The following IFT88 variants were observed in gnomAD, a reference collection of about 807,000 sequenced individuals.
The protein encoded by IFT88 is intraflagellar transport protein 88 homolog.
In IFT88, 74 loss-of-function variants were observed where a neutral mutation model predicts 119.5. The ratio of observed to expected loss-of-function variants is 0.62; its 90% CI spans 0.51 to 0.75. The LOEUF (loss-of-function observed/expected upper bound fraction) is 0.75. Ranked by LOEUF, IFT88 falls within the 30% of genes least tolerant of loss-of-function variation. IFT88 has a pLI of 0.00. For missense variants in IFT88, 961 were observed against 977.7 expected (o/e 0.98, Z 0.23); for synonymous variants, 279 against 316.7 (o/e 0.88, Z 1.26).
intron 2 of IFT88, among the ~76,000 whole-genome samples, chr13:20,578,284 T>C (rs9579897): frequency 0.079 from 11,904 of 150,634 alleles, 569 homozygotes; most frequent in African/African-American, 0.1. Flanking sequence ...CCTGACCTCA[T>C]GATCAGCCCG....
intron 2 of IFT88, among the ~76,000 whole-genome samples, chr13:20,575,484 T>C (rs768472390): frequency 3.3e-5 from 5 of 152,174 alleles, no homozygotes; most frequent in Non-Finnish European, 7.3e-5. Flanking sequence ...ACATCTCATG[T>C]TGAATTGTAA....
chr13:20,604,949 G>C, intron 12 of IFT88, 86 bp from the exon 13 acceptor site: 2 of 665,766 alleles, frequency 3.0e-6, no homozygotes, highest in Non-Finnish European at 5.3e-6. Context: ...GAGTGAGGCT[G>C]TATCTCAAAA....
At chr13:20,578,626 T>C (rs935293546) in intron 2 of IFT88, among the ~76,000 whole-genome samples, 1 of 152,036 alleles carries the variant, frequency 6.6e-6, no homozygotes, top group African/African-American at 2.4e-5. Context: ...CTCAGCTCAC[T>C]GCAACCTCTG....
At chr13:20,630,208 G>A (rs1594407741) in intron 15 of IFT88, among the ~76,000 whole-genome samples, 1 of 152,080 alleles carries the variant, frequency 6.6e-6, no homozygotes. Flanking sequence ...GCTCCCGTAA[G>A]TCTCTTGTGT....
chr13:20,597,516 G>C (rs574740447), intron 9 of IFT88, among the ~76,000 whole-genome samples: 4 of 151,864 alleles, frequency 2.6e-5, no homozygotes, highest in Non-Finnish European at 5.9e-5. Flanking sequence ...AGGCCGAGGC[G>C]GGCAGATCAC....
chr13:20,618,814 A>G (rs2046044523), intron 14 of IFT88, among the ~76,000 whole-genome samples: 1 of 151,230 alleles, frequency 6.6e-6, no homozygotes, highest in Non-Finnish European at 1.5e-5. Context: ...CATTCTTACT[A>G]TATTTCTGTT....
At chr13:20,664,855 A>G (rs35530462) in intron 23 of IFT88, among the ~76,000 whole-genome samples, 1,833 of 152,248 alleles carry the variant, frequency 0.012, 13 homozygotes, top group South Asian at 0.04. Context: ...CAAGGTGGGC[A>G]GATCACGAGG....
At chr13:20,593,438 AG>A (rs2041066406) in intron 7 of IFT88, among the ~76,000 whole-genome samples, 15 of 151,910 alleles carry the variant, frequency 9.9e-5, no homozygotes, top group Admixed American at 9.8e-4. Flanking sequence ...TTCTAGTTCC[AG>A]AGCTTGGGCT....
At chr13:20,630,257 T>C (rs2047997363) in intron 15 of IFT88, among the ~76,000 whole-genome samples, 1 of 152,220 alleles carries the variant, frequency 6.6e-6, no homozygotes, top group Admixed American at 6.5e-5. Flanking sequence ...TATTTTGCCA[T>C]GTTTCATTTA....
Position 20,574,452 on chromosome 13 carries a change from T to C in IFT88, c.67T>C (p.Tyr23His), listed in dbSNP as rs2036983089. ...TGATCTTTATTCCGGCTATAATGAC[T>C]ACAATCCAATCTATGATATCGAGGT... is the stretch of plus-strand genomic sequence containing the variant. ...EDDLYSGYND[Y>H]NPIYDIEELE... is the part of the protein sequence containing the mutation. Residue 23 changes from tyrosine to histidine, a missense_variant, in exon 2 of 26, where the codon TAC (tyrosine) becomes CAC (histidine). By Grantham distance (83) the Tyr-to-His change is moderately conservative. Coordinates refer to ENST00000351808, the MANE Select transcript of IFT88 (RefSeq NM_006531.5). The C allele has an allele frequency of 6.2e-7, 1 of 1,604,406 alleles. No individual in the cohort carries two copies. Among genetic ancestry groups the C allele is most frequent in the African/African-American group, 1.3e-5 (1 of 74,852 alleles).
chr13:20,592,938 G>C (rs2040959989), intron 7 of IFT88, among the ~76,000 whole-genome samples: 1 of 150,878 alleles, frequency 6.6e-6, no homozygotes, highest in African/African-American at 2.5e-5. Flanking sequence ...TATGTATTCT[G>C]TGCAATTTTA....
intron 22 of IFT88, among the ~76,000 whole-genome samples, chr13:20,659,632 T>C (rs2053457914): frequency 7.3e-6 from 1 of 136,362 alleles, no homozygotes; most frequent in African/African-American, 2.8e-5. Flanking sequence ...TATTAACTTT[T>C]ACAATACTTT....
At chr13:20,670,133 ATTATGT>A (rs2055543017) in intron 23 of IFT88, among the ~76,000 whole-genome samples, 1 of 152,214 alleles carries the variant, frequency 6.6e-6, no homozygotes, top group Admixed American at 6.5e-5. Flanking sequence ...TAAATATGAA[ATTATGT>A]TTATGTCTTA....
At chr13:20,614,670 T>C (rs1484934937) in intron 13 of IFT88, among the ~76,000 whole-genome samples, 9 of 152,300 alleles carry the variant, frequency 5.9e-5, no homozygotes, top group Middle Eastern at 3.4e-3. Context: ...ACTTGAAAGA[T>C]GTTACTGTTG....
intron 24 of IFT88, among the ~76,000 whole-genome samples, chr13:20,674,959 C>T (rs1248461576): frequency 2.6e-5 from 4 of 151,636 alleles, no homozygotes; most frequent in Non-Finnish European, 5.9e-5. Context: ...GTGATCCACC[C>T]GCCTCAGCCT....
intron 24 of IFT88, among the ~76,000 whole-genome samples, chr13:20,682,847 C>T (rs566656499): frequency 5.4e-4 from 82 of 152,314 alleles, no homozygotes; most frequent in African/African-American, 1.9e-3. Flanking sequence ...CCAGTGAAAA[C>T]GCTTAGCAGG....
chr13:20,656,282 G>C, intron 21 of IFT88, 83 bp from the exon 22 acceptor site: 1 of 514,998 alleles, frequency 1.9e-6, no homozygotes, highest in Non-Finnish European at 3.4e-6. Context: ...TAAATAGCCA[G>C]TATATCAGTT....
chr13:20,659,399 T>C (rs9509322), intron 22 of IFT88, among the ~76,000 whole-genome samples: 113,795 of 151,690 alleles, frequency 0.75, 43,288 homozygotes, highest in East Asian at 1. Flanking sequence ...GAGGCTGAGA[T>C]GGAAGGATCG....
intron 2 of IFT88, among the ~76,000 whole-genome samples, chr13:20,577,791 T>C (rs1335246231): frequency 2.6e-5 from 4 of 152,202 alleles, no homozygotes; most frequent in African/African-American, 9.6e-5. Flanking sequence ...TCAATGTTCA[T>C]CAGGGATGTT....
Sources: allele counts gnomAD v4.1 joint callset (sites outside exome capture counted in the v4.1 genomes callset), GRCh38; gene constraint gnomAD v4.1.1; transcripts MANE v1.5; gene names NCBI Gene and HGNC (gene_info 2026-07-23, HGNC 2026-07-21).